Variants in ZSCAN1 observed in about 807,000 individuals in gnomAD.
ZSCAN1 encodes zinc finger and SCAN domain containing 1.
ZSCAN1 carries 23 observed loss-of-function variants against 23.8 expected under a neutral mutation model. The observed-to-expected ratio is 0.97, with a 90% CI of 0.70 to 1.37. The LOEUF is 1.37. Among genes scored for constraint, ZSCAN1 ranks in the 40% most tolerant of loss-of-function variants. ZSCAN1 has a pLI of 0.00. For synonymous variants in ZSCAN1, 236 were observed against 232.3 expected (o/e 1.02, Z -0.15); for missense variants, 575 against 554.0 (o/e 1.04, Z -0.38).
Position 58,037,754 on chromosome 19 carries a change from T to C in ZSCAN1, c.-83T>C. ...CCCCTGATTGCTGATTCTGTCCGCC[T>C]GCCACACCGGCTCTGTCCGGAGCCA... On this transcript the variant is annotated 5_prime_UTR_variant, in exon 3 of 6. Transcript: ENST00000282326. 1 of 1,422,926 alleles carries C rather than the reference T, an allele frequency of 7.0e-7. No homozygotes were observed. Among genetic ancestry groups the C allele is most frequent in the Non-Finnish European group, 9.2e-7 (1 of 1,090,368 alleles). 88.1% of individuals were successfully genotyped at this position (1,422,926 alleles called of 1,614,324 possible).
In ZSCAN1 at chr19:58,053,117, G is replaced by A. The variant is rs2073869480; in HGVS notation, c.605-312G>A. ...TGGGATTACAGGCGCACACCACCAC[G>A]CCCAGCTAATTTTTGTATTTTAGTA... On this transcript the variant is annotated intron_variant, in intron 5 of 5. Transcript: ENST00000282326. This position sits in a 1 kb window ranked among gnomAD's most constrained non-coding sequence, Gnocchi z 5.8. Among the ~76,000 whole-genome samples, 1 of 151,984 alleles carries A rather than the reference G, an allele frequency of 6.6e-6. No individual in the cohort carries two copies. The highest frequency in any genetic ancestry group is 2.1e-4 in the South Asian group (1 of 4,812).
chr19:58,034,864 G>A (rs145602557), intron 1 of ZSCAN1, among the ~76,000 whole-genome samples: 46 of 150,324 alleles, frequency 3.1e-4, no homozygotes, highest in Non-Finnish European at 6.1e-4. Flanking sequence ...GAACTCCTCC[G>A]TGTGGCATCC....
At position 58,040,217 on chromosome 19, in the gene ZSCAN1, GGTGTGGA is replaced by G. The variant is rs2123423472; in HGVS notation, c.371-230_371-224del. Among the ~76,000 whole-genome samples, 1 of 152,276 alleles carries G rather than the reference GGTGTGGA, an allele frequency of 6.6e-6. No homozygotes were observed. The highest frequency in any genetic ancestry group is 2.4e-5 in the African/African-American group (1 of 41,550). On this transcript the variant is annotated intron_variant, in intron 3 of 5. Coordinates refer to ENST00000282326, the MANE Select transcript of ZSCAN1 (RefSeq NM_182572.4). This position sits in a 1 kb window ranked among gnomAD's most constrained non-coding sequence, Gnocchi z 5.8. ...TCGTGGGCTTCTGGAGGCGCACAGG[GGTGTGGA>G]GTATGAGTGAAGAGGGTACTTGTCT...
chr19:58,046,543 A>G (rs2123434054), intron 4 of ZSCAN1: 1 of 913,806 alleles, frequency 1.1e-6, no homozygotes, highest in East Asian at 2.4e-5. Context: ...GAAGCAAGTC[A>G]AGCACATTCC....
Sources: allele counts gnomAD v4.1 joint callset (sites outside exome capture counted in the v4.1 genomes callset), GRCh38; gene constraint gnomAD v4.1.1; non-coding constraint Gnocchi (gnomAD v3.1); transcripts MANE v1.5; gene names NCBI Gene and HGNC (gene_info 2026-07-23, HGNC 2026-07-21).